The following SHISA9 variants were observed in gnomAD, a reference collection of about 807,000 sequenced individuals.
The protein encoded by SHISA9 is shisa family member 9.
A neutral mutation model predicts 38.0 loss-of-function variants in SHISA9; 13 were observed. That is an observed-to-expected ratio of 0.34 (90% CI 0.22 to 0.54). The LOEUF is 0.54. SHISA9 is among the 20% of genes least tolerant of loss of function. SHISA9 has a pLI of 0.91. For missense variants in SHISA9, 538 were observed against 575.8 expected, an observed-to-expected ratio of 0.93 and a Z score of 0.67; for synonymous variants, 275 against 242.0, an observed-to-expected ratio of 1.14 and a Z score of -1.27.
chr16:13,226,055 G>A (rs1469193918), intron 4 of SHISA9, among the ~76,000 whole-genome samples: 3 of 152,058 alleles, frequency 2.0e-5, no homozygotes, highest in Admixed American at 6.6e-5. Context: ...TTATTAATGG[G>A]GCTTACAAGA....
chr16:13,416,009 G>A, the SHISA9 span, among the ~76,000 whole-genome samples: 4 of 152,256 alleles, frequency 2.6e-5, no homozygotes, highest in South Asian at 2.1e-4. Context: ...AGGTGCTTTC[G>A]TGGCATTGGT....
At chr16:12,971,588 A>G (rs148989199) in intron 2 of SHISA9, among the ~76,000 whole-genome samples, 1,594 of 152,250 alleles carry the variant, frequency 0.01, 9 homozygotes, top group East Asian at 0.028. Flanking sequence ...TTTTTTAAAC[A>G]CTTTATAAAT....
At chr16:13,336,080 T>G in the SHISA9 span, among the ~76,000 whole-genome samples, 1 of 152,156 alleles carries the variant, frequency 6.6e-6, no homozygotes, top group South Asian at 2.1e-4. Context: ...GCGTGGTGCC[T>G]CCTCACATCA....
At chr16:13,159,617 G>T (rs570729365) in intron 2 of SHISA9, among the ~76,000 whole-genome samples, 6 of 152,172 alleles carry the variant, frequency 3.9e-5, no homozygotes, top group Non-Finnish European at 7.3e-5. Flanking sequence ...TTGAGCATAC[G>T]CTTTTCTCTT....
the SHISA9 span, among the ~76,000 whole-genome samples, chr16:13,361,982 C>T: frequency 2.8e-4 from 43 of 152,114 alleles, no homozygotes; most frequent in South Asian, 2.1e-4. Context: ...AGTCAAACCC[C>T]GTTGCCATCA....
chr16:13,368,268 A>T, the SHISA9 span, among the ~76,000 whole-genome samples: 1 of 152,150 alleles, frequency 6.6e-6, no homozygotes, highest in Non-Finnish European at 1.5e-5. Flanking sequence ...CTTCTGAGGC[A>T]GTGAGGTGAG....
At position 13,084,163 on chromosome 16, in the gene SHISA9, G is replaced by T. The variant is rs529976969; in HGVS notation, c.692-119231G>T. ...GCCCAGCCCTTTATTTTAAAAACAA[G>T]GAACCTGAGGGCCAGAAAAGACCAA... On this transcript the variant is annotated intron_variant, in intron 2 of 4. Transcript: ENST00000558583. Among the ~76,000 whole-genome samples the T allele has an allele frequency of 7.2e-5, 11 of 152,274 alleles. No individual in the cohort carries two copies. In the South Asian group the frequency reaches 2.3e-3, roughly 32 times the overall value.
the SHISA9 span, among the ~76,000 whole-genome samples, chr16:13,533,875 C>A: frequency 6.6e-6 from 1 of 151,432 alleles, no homozygotes; most frequent in Admixed American, 6.6e-5. Flanking sequence ...ACTCCTCCTC[C>A]CAGGTTCACA....
At chr16:13,514,338 A>G in the SHISA9 span, among the ~76,000 whole-genome samples, 1 of 152,228 alleles carries the variant, frequency 6.6e-6, no homozygotes. Flanking sequence ...ATTTAAAAAA[A>G]GAAAATGCAA....
downstream of SHISA9, among the ~76,000 whole-genome samples, chr16:13,243,935 G>C (rs980470340): frequency 3.3e-5 from 5 of 152,020 alleles, no homozygotes; most frequent in Non-Finnish European, 7.4e-5. Context: ...ACCACACCTG[G>C]CTAATTTTTT....
At chr16:13,104,122 A>G (rs2073904380) in intron 2 of SHISA9, among the ~76,000 whole-genome samples, 1 of 152,070 alleles carries the variant, frequency 6.6e-6, no homozygotes, top group Non-Finnish European at 1.5e-5. Flanking sequence ...CTTCATCCCC[A>G]GCTAATGCCC....
intron 4 of SHISA9, among the ~76,000 whole-genome samples, chr16:13,231,229 C>T (rs2051328770): frequency 6.6e-6 from 1 of 152,076 alleles, no homozygotes. Context: ...ATGGGTGGTT[C>T]CCATGTGAGA....
the SHISA9 span, among the ~76,000 whole-genome samples, chr16:13,382,835 G>A: frequency 6.6e-6 from 1 of 152,294 alleles, no homozygotes; most frequent in African/African-American, 2.4e-5. Context: ...TCCAGCCTGG[G>A]TGATAGAGCG....
chr16:13,014,969 C>G (rs1182507047), intron 2 of SHISA9, among the ~76,000 whole-genome samples: 1 of 152,254 alleles, frequency 6.6e-6, no homozygotes, highest in Non-Finnish European at 1.5e-5. Context: ...CAATGTCCAG[C>G]AGAGGGTTGG....
the SHISA9 span, among the ~76,000 whole-genome samples, chr16:13,277,598 C>G: frequency 6.6e-6 from 1 of 151,894 alleles, no homozygotes; most frequent in Non-Finnish European, 1.5e-5. Flanking sequence ...TTTCTTTCAG[C>G]AGTGTTTTGT....
At chr16:13,322,229 A>G in the SHISA9 span, among the ~76,000 whole-genome samples, 1 of 152,380 alleles carries the variant, frequency 6.6e-6, no homozygotes, top group East Asian at 1.9e-4. Flanking sequence ...GAAGAATAAT[A>G]GTAATGATCC....
At chr16:13,413,237 A>T in the SHISA9 span, among the ~76,000 whole-genome samples, 3 of 152,248 alleles carry the variant, frequency 2.0e-5, no homozygotes, top group African/African-American at 7.2e-5. Flanking sequence ...TTCTATGATC[A>T]AATATCAGTG....
At chr16:13,305,024 G>A in the SHISA9 span, among the ~76,000 whole-genome samples, 1 of 152,172 alleles carries the variant, frequency 6.6e-6, no homozygotes, top group Non-Finnish European at 1.5e-5. Context: ...CAAAATGCTT[G>A]GGACCAGAGG....
chr16:13,363,989 C>G, the SHISA9 span, among the ~76,000 whole-genome samples: 1 of 152,198 alleles, frequency 6.6e-6, no homozygotes, highest in Non-Finnish European at 1.5e-5. Context: ...TTTTAACAAA[C>G]TTTCCACATG....
Sources: gnomAD v4.1 joint callset for allele counts (sites outside exome capture counted in the v4.1 genomes callset) on GRCh38, gnomAD v4.1.1 for gene constraint, MANE v1.5 for transcripts, NCBI Gene and HGNC (gene_info 2026-07-23, HGNC 2026-07-21) for gene names.